ZMAT1: variants seen among roughly 807,000 people sequenced by gnomAD.
ZMAT1 encodes zinc finger matrin-type protein 1.
ZMAT1 carries 11 observed loss-of-function variants against 18.5 expected under a neutral mutation model. The ratio of observed to expected loss-of-function variants is 0.59; its 90% confidence interval spans 0.37 to 0.98. The LOEUF (loss-of-function observed/expected upper bound fraction) is 0.98. Ranked by LOEUF, ZMAT1 falls within the 50% of genes least tolerant of loss-of-function variation. The pLI, the probability that ZMAT1 is intolerant of heterozygous loss-of-function variation, is 0.01. For missense variants in ZMAT1, 525 were observed against 496.2 expected, an observed-to-expected ratio of 1.06 and a Z score of -0.55; for synonymous variants, 211 against 176.4, an observed-to-expected ratio of 1.20 and a Z score of -1.55.
intron 1 of ZMAT1, among the ~76,000 whole-genome samples, chrX:101,913,315 A>G (rs758134165): frequency 9.0e-6 from 1 of 111,620 alleles, no homozygotes; most frequent in African/African-American, 3.3e-5. Context: ...AAAAATCAAA[A>G]GGGAAGAACT....
chrX:101,916,565 G>A (rs1295159691), intron 1 of ZMAT1, among the ~76,000 whole-genome samples: 2 of 111,464 alleles, frequency 1.8e-5, no homozygotes, highest in African/African-American at 3.3e-5. Flanking sequence ...AATATTCCAT[G>A]TTCATGGATT....
intron 1 of ZMAT1, among the ~76,000 whole-genome samples, chrX:101,927,716 T>C (rs1000373813): frequency 1.8e-5 from 2 of 112,200 alleles, no homozygotes; most frequent in Non-Finnish European, 3.8e-5. Flanking sequence ...CCTGATCCCA[T>C]GACAGCTACT....
At chrX:101,931,599 G>A in intron 1 of ZMAT1, 118 bp downstream of exon 1, 2 of 612,135 alleles carry the variant, frequency 3.3e-6, no homozygotes, top group Non-Finnish European at 3.6e-6. Context: ...GGCCTTTACT[G>A]CGCCACGGCA....
Position 101,883,661 on chromosome X carries a change from C to T in ZMAT1, c.1937G>A (p.Ser646Asn). 7 of 1,209,519 alleles carry T rather than the reference C, an allele frequency of 5.8e-6. No individual in the cohort carries two copies. The highest frequency in any genetic ancestry group is 7.8e-6 in the Non-Finnish European group (7 of 894,927). The stretch of plus-strand genomic sequence containing the variant: ...TTTTCGATGCTTAAGCTTTCCTGAA[C>T]TGACCTTGACTCTATCCTCCTCTCT... ...RKREEDRVKV[S>N]SGKLKHRKKK... is the part of the protein sequence containing the mutation. Residue 646 changes from serine to asparagine, a missense_variant, in exon 6 of 6, where the codon AGT (serine) becomes AAT (asparagine). Physicochemically the swap from Ser to Asn is conservative, Grantham distance 46 (BLOSUM62 1). Transcript: ENST00000651725.
intron 4 of ZMAT1, among the ~76,000 whole-genome samples, chrX:101,893,898 A>C (rs1927614108): frequency 9.0e-6 from 1 of 111,609 alleles, no homozygotes; most frequent in Non-Finnish European, 1.9e-5. Context: ...GTACTGACCC[A>C]CATAGATCAT....
In ZMAT1 at chrX:101,894,642, G is replaced by C; in HGVS notation, c.676+3226C>G. ...AGTAAGGTCAAGGATGAAACCATGG[G>C]AATACCTACATTTAGGTAATGAATA... On this transcript the variant is annotated intron_variant, in intron 4 of 5. Transcript: ENST00000651725. 5.3e-6 allele frequency: 3 copies of C among 564,621 alleles called. No individual in the cohort carries two copies. In the South Asian group the frequency reaches 2.8e-4, roughly 52 times the overall value. 46.5% of individuals were successfully genotyped at this position (564,621 alleles called of 1,213,427 possible). A position where few individuals can be genotyped will look rare whatever the true frequency, so the allele number is the denominator to read the frequency against.
Position 101,882,794 on chromosome X carries a change from T to C in ZMAT1, c.*716A>G, listed in dbSNP as rs1449496810. On this transcript the variant is annotated 3_prime_UTR_variant, in exon 6 of 6. Coordinates refer to ENST00000651725, the MANE Select transcript of ZMAT1 (RefSeq NM_001394560.1). The stretch of plus-strand genomic sequence containing the variant: ...TGAGGAAAAGGCATACTGAATACTT[T>C]TACTTCACTTGGCTTTTTTAGAGAT... The C allele has an allele frequency of 1.8e-5, 2 of 111,211 alleles. No individual in the cohort carries two copies. The highest frequency in any genetic ancestry group is 5.6e-4 in the East Asian group (2 of 3,560). 9.2% of individuals were successfully genotyped at this position (111,211 alleles called of 1,213,427 possible). A position where few individuals can be genotyped will look rare whatever the true frequency, so the allele number is the denominator to read the frequency against.
At chrX:101,899,720 T>C (rs1928087092) in intron 2 of ZMAT1, among the ~76,000 whole-genome samples, 1 of 112,494 alleles carries the variant, frequency 8.9e-6, no homozygotes, top group Admixed American at 9.4e-5. Context: ...GGCATTTGCG[T>C]TGGTTCCACG....
chrX:101,884,860 T>G, intron 5 of ZMAT1, 39 bp from the exon 6 acceptor site: 1 of 773,220 alleles, frequency 1.3e-6, no homozygotes, highest in South Asian at 3.6e-5. Context: ...TTAGATTATT[T>G]TATTCTAAAT....
At chrX:101,889,076 C>T (rs1927179274) in intron 4 of ZMAT1, 1 of 111,663 alleles carries the variant, frequency 9.0e-6, no homozygotes, top group Non-Finnish European at 1.9e-5. Context: ...GAACTGTAGT[C>T]TGATTACCAT....
intron 2 of ZMAT1, among the ~76,000 whole-genome samples, chrX:101,899,744 G>A (rs1928089306): frequency 8.9e-6 from 1 of 112,417 alleles, no homozygotes; most frequent in African/African-American, 3.2e-5. Flanking sequence ...TTGCAATTGT[G>A]AATTGTGCTG....
chrX:101,887,204 T>G (rs1395301289), intron 4 of ZMAT1: 1 of 744,010 alleles, frequency 1.3e-6, no homozygotes, highest in East Asian at 1.5e-4. Context: ...TTACCTGAGA[T>G]CACTGCAGTG....
intron 2 of ZMAT1, among the ~76,000 whole-genome samples, chrX:101,902,617 T>C (rs917248999): frequency 9.0e-6 from 1 of 111,633 alleles, no homozygotes; most frequent in Non-Finnish European, 1.9e-5. Flanking sequence ...GGGTGGACTA[T>C]ACAATAAATA....
chrX:101,908,847 G>A (rs768355372), intron 1 of ZMAT1, among the ~76,000 whole-genome samples: 7 of 111,234 alleles, frequency 6.3e-5, no homozygotes, highest in East Asian at 2.8e-4. Context: ...ACCGCAATTC[G>A]TAGGCGAGTC....
Position 101,931,971 on chromosome X carries a change from G to A in ZMAT1, c.38C>T (p.Ala13Val). The A allele has an allele frequency of 3.9e-6, 3 of 772,813 alleles. No homozygotes were observed. The highest frequency in any genetic ancestry group is 4.6e-6 in the Non-Finnish European group (3 of 651,753). 63.7% of individuals were successfully genotyped at this position (772,813 alleles called of 1,213,427 possible). ...GGTAGCTTCCTGAGGGGAAGACTCC[G>A]CCGCCAGCGGGGTGACTGTGCTCGG... ...AAPSTVTPLA[A>V]ESSPQEATVS... Residue 13 changes from alanine (A) to valine (V), a missense_variant, in exon 1 of 6, where the codon GCG becomes GTG. By Grantham distance (64) the Ala-to-Val change is moderately conservative. Coordinates refer to ENST00000651725, the MANE Select transcript of ZMAT1 (RefSeq NM_001394560.1).
At chrX:101,885,827 G>T (rs1168627564) in intron 5 of ZMAT1, among the ~76,000 whole-genome samples, 1 of 110,471 alleles carries the variant, frequency 9.1e-6, no homozygotes, top group African/African-American at 3.3e-5. Context: ...GTGACCATGG[G>T]TACATGCCAC....
At chrX:101,924,779 A>C (rs751966629) in intron 1 of ZMAT1, among the ~76,000 whole-genome samples, 36 of 112,218 alleles carry the variant, frequency 3.2e-4, no homozygotes, top group Non-Finnish European at 5.8e-4. Context: ...CCAACTGTTA[A>C]CAAATTAAGC....
intron 1 of ZMAT1, among the ~76,000 whole-genome samples, chrX:101,910,757 C>G (rs780879878): frequency 1.8e-5 from 2 of 111,371 alleles, no homozygotes; most frequent in African/African-American, 6.5e-5. Flanking sequence ...GAATAAAAAA[C>G]AATGACACAC....
chrX:101,920,505 T>C (rs1243587335), intron 1 of ZMAT1, among the ~76,000 whole-genome samples: 3 of 111,857 alleles, frequency 2.7e-5, no homozygotes, highest in Non-Finnish European at 5.6e-5. Context: ...TAATTGAAAA[T>C]TAAAATACAT....
Sources: allele counts gnomAD v4.1 joint callset (sites outside exome capture counted in the v4.1 genomes callset), GRCh38; gene constraint gnomAD v4.1.1; transcripts MANE v1.5; gene names NCBI Gene and HGNC (gene_info 2026-07-23, HGNC 2026-07-21).